The following TGFB1 variants were observed in gnomAD, a reference collection of about 807,000 sequenced individuals.
TGFB1 encodes transforming growth factor beta-1 proprotein.
Under a neutral mutation model 43.8 loss-of-function variants are expected in TGFB1, and 19 were observed. That is an observed-to-expected ratio of 0.43 (90% confidence interval 0.30 to 0.64). The LOEUF is 0.64. Ranked by LOEUF, TGFB1 falls within the 30% of genes least tolerant of loss-of-function variation. The pLI is 0.11. For missense variants in TGFB1, 445 were observed against 529.8 expected (o/e 0.84, Z 1.57); for synonymous variants, 221 against 236.3 (o/e 0.94, Z 0.60).
chr19:41,349,985 T>C (rs921693656), intron 1 of TGFB1, among the ~76,000 whole-genome samples: 1 of 151,898 alleles, frequency 6.6e-6, no homozygotes, highest in Non-Finnish European at 1.5e-5. Flanking sequence ...TGCTTTTTTT[T>C]TTTCTTCCCC....
At chr19:41,346,397 C>T (rs962953326) in intron 2 of TGFB1, among the ~76,000 whole-genome samples, 3 of 152,182 alleles carry the variant, frequency 2.0e-5, no homozygotes, top group Non-Finnish European at 4.4e-5. Flanking sequence ...GGATAGTCCA[C>T]TCCAGGGACT....
intron 1 of TGFB1, among the ~76,000 whole-genome samples, chr19:41,349,997 A>G (rs2038164872): frequency 6.6e-6 from 1 of 150,916 alleles, no homozygotes; most frequent in South Asian, 2.1e-4. Flanking sequence ...TTCTTCCCCC[A>G]AGAGACAGGG....
At chr19:41,332,093 C>CA in intron 6 of TGFB1, 35 bp downstream of exon 6, 1 of 1,601,930 alleles carries the variant, frequency 6.2e-7, no homozygotes, top group Non-Finnish European at 8.5e-7. Context: ...TGGCTCCCCC[C>CA]AAGCGCATCT....
chr19:41,353,870 C>T lies in TGFB1; in HGVS notation c.-826G>A, dbSNP rs936866801. 6.0e-6 allele frequency: 1 copy of T among 167,860 alleles called. No individual in the cohort carries two copies. Among genetic ancestry groups the T allele is most frequent in the Non-Finnish European group, 1.3e-5 (1 of 78,788 alleles). The allele number at this position is 167,860 out of a possible 1,614,324, so 10.4% of individuals were successfully genotyped here. On this transcript the variant is annotated 5_prime_UTR_variant, in exon 1 of 7. Coordinates refer to ENST00000221930, the MANE Select transcript of TGFB1 (RefSeq NM_000660.7). This position sits in a 1 kb window ranked among gnomAD's most constrained non-coding sequence, Gnocchi z 5.9. ...CCGGGGCCCTCGCTGTCTGGCTGCT[C>T]CGCGGAGGGAGGTGGGAGGGAGATG... is the stretch of plus-strand genomic sequence containing the variant.
At chr19:41,339,179 C>T (rs994865787) in intron 5 of TGFB1, among the ~76,000 whole-genome samples, 5 of 149,328 alleles carry the variant, frequency 3.3e-5, no homozygotes, top group Non-Finnish European at 7.4e-5. Context: ...AATGCAGTGG[C>T]GTGATCCTGG....
At position 41,330,960 on chromosome 19, in the gene TGFB1, G is replaced by T; in HGVS notation, c.*92C>A. 8.1e-7 allele frequency: 1 copy of T among 1,229,808 alleles called. No homozygotes were observed. The highest frequency in any genetic ancestry group is 1.1e-6 in the Non-Finnish European group (1 of 928,940). The allele number at this position is 1,229,808 out of a possible 1,614,324, so 76.2% of individuals were successfully genotyped here. On this transcript the variant is annotated 3_prime_UTR_variant, in exon 7 of 7. Coordinates refer to ENST00000221930, the MANE Select transcript of TGFB1 (RefSeq NM_000660.7). Reference sequence around the variant, plus strand: ...GGCCCCAGGTGGGCTTGGGGCACGGGTGTCCTTAAATACAGCCCCCATGGG... The same window carrying T: ...GGCCCCAGGTGGGCTTGGGGCACGGTTGTCCTTAAATACAGCCCCCATGGG...
intron 5 of TGFB1, among the ~76,000 whole-genome samples, chr19:41,338,296 C>T (rs932270029): frequency 9.9e-5 from 15 of 151,334 alleles, no homozygotes; most frequent in African/African-American, 3.6e-4. Context: ...GAGTTCAAGA[C>T]CAGCCTGGCC....
At chr19:41,345,218 C>G (rs1010652076) in intron 2 of TGFB1, among the ~76,000 whole-genome samples, 1 of 152,126 alleles carries the variant, frequency 6.6e-6, no homozygotes, top group African/African-American at 2.4e-5. Flanking sequence ...CATTCTGGGC[C>G]GGGCGCAGTG....
intron 3 of TGFB1, among the ~76,000 whole-genome samples, chr19:41,342,671 C>T (rs1222298458): frequency 6.6e-6 from 1 of 152,040 alleles, no homozygotes; most frequent in Non-Finnish European, 1.5e-5. Context: ...TGCGCCACCA[C>T]ACCCGGCTAA....
At chr19:41,332,863 C>A (rs989312271) in intron 5 of TGFB1, among the ~76,000 whole-genome samples, 1 of 152,132 alleles carries the variant, frequency 6.6e-6, no homozygotes, top group Non-Finnish European at 1.5e-5. Flanking sequence ...AGTGCAAGAC[C>A]CTGTCTCTAC....
chr19:41,339,942 C>T (rs1402558896), intron 5 of TGFB1, among the ~76,000 whole-genome samples: 3 of 152,208 alleles, frequency 2.0e-5, no homozygotes, highest in East Asian at 1.9e-4. Context: ...GGTAACAAAG[C>T]CCAGAGACAG....
At position 41,353,172 on chromosome 19, in the gene TGFB1, T is replaced by G; in HGVS notation, c.-128A>C. 2 of 1,225,152 alleles carry G rather than the reference T, an allele frequency of 1.6e-6. No individual in the cohort carries two copies. The highest frequency in any genetic ancestry group is 2.2e-6 in the Non-Finnish European group (2 of 921,060). The allele number at this position is 1,225,152 out of a possible 1,614,324, so 75.9% of individuals were successfully genotyped here. A position where few individuals can be genotyped will look rare whatever the true frequency, so the allele number is the denominator to read the frequency against. ...GGAGGGCCTCGAGGGAAAGCTGAGG[T>G]CCTCAGGGAGAAGGGCGCAGTGGTG... On this transcript the variant is annotated 5_prime_UTR_variant, in exon 1 of 7. Transcript: ENST00000221930. The surrounding 1 kb of genome is among the most constrained non-coding windows in gnomAD (Gnocchi z 5.9).
At chr19:41,341,727 A>C (rs1331983091) in intron 5 of TGFB1, among the ~76,000 whole-genome samples, 156 bp downstream of exon 5, 1 of 152,040 alleles carries the variant, frequency 6.6e-6, no homozygotes, top group Non-Finnish European at 1.5e-5. Flanking sequence ...CCTGGTTCTT[A>C]CACCCAGACC....
intron 5 of TGFB1, among the ~76,000 whole-genome samples, chr19:41,338,222 C>T (rs1279102268): frequency 3.6e-5 from 5 of 140,332 alleles, no homozygotes; most frequent in Non-Finnish European, 7.7e-5. Flanking sequence ...CGGCCGGGTG[C>T]GTGGCTCACC....
At position 41,347,987 on chromosome 19, in the gene TGFB1, CTGGGCGTGG is replaced by C. The variant is rs200142508; in HGVS notation, c.516+299_516+307del. On this transcript the variant is annotated intron_variant, in intron 2 of 6. Transcript: ENST00000221930. ...TCTCTACCAAAAATACAAAAATTAG[CTGGGCGTGG>C]TGGCGCACACCTGTAATCCCAGCTA... 0.015 allele frequency among the ~76,000 whole-genome samples: 2,209 copies of C among 151,614 alleles called. 60 individuals are homozygous for C. Among genetic ancestry groups the C allele is most frequent in the African/African-American group, 0.051 (2,102 of 41,296 alleles).
Position 41,331,022 on chromosome 19 carries a change from TGCCGGGGCGG to T in TGFB1, c.*20_*29del. 9.0e-7 allele frequency: 1 copy of T among 1,111,448 alleles called. No individual in the cohort carries two copies. Among genetic ancestry groups the T allele is most frequent in the Non-Finnish European group, 1.1e-6 (1 of 887,884 alleles). The allele number at this position is 1,111,448 out of a possible 1,614,324, so 68.8% of individuals were successfully genotyped here. On this transcript the variant is annotated 3_prime_UTR_variant, in exon 7 of 7. Transcript: ENST00000221930. ...GGGCGGGGCGGGGTGGGGCCGGGCCTGCCGGGGCGGGGCGGGGCGGGGCGGGACCTCAGCT... is the reference window on the plus strand; with the variant it reads ...GGGCGGGGCGGGGTGGGGCCGGGCCTGGCGGGGCGGGGCGGGACCTCAGCT...
intron 3 of TGFB1, among the ~76,000 whole-genome samples, chr19:41,343,288 C>A (rs1386503074): frequency 6.6e-6 from 1 of 152,052 alleles, no homozygotes; most frequent in Non-Finnish European, 1.5e-5. Context: ...GCATGCATCA[C>A]CACGCCGAGC....
At chr19:41,338,696 G>C (rs531163993) in intron 5 of TGFB1, among the ~76,000 whole-genome samples, 5 of 151,828 alleles carry the variant, frequency 3.3e-5, no homozygotes, top group African/African-American at 1.2e-4. Flanking sequence ...AAAATTAGCT[G>C]GGCGTGGCGG....
rs2037921995 is a variant in TGFB1 at position 41,330,971 on chromosome 19, T to C, written c.*81A>G. 1 of 1,270,798 alleles carries C rather than the reference T, an allele frequency of 7.9e-7. No homozygotes were observed. The allele number at this position is 1,270,798 out of a possible 1,614,324, so 78.7% of individuals were successfully genotyped here. A position where few individuals can be genotyped will look rare whatever the true frequency, so the allele number is the denominator to read the frequency against. On this transcript the variant is annotated 3_prime_UTR_variant, in exon 7 of 7. Coordinates refer to ENST00000221930, the MANE Select transcript of TGFB1 (RefSeq NM_000660.7). Reference sequence around the variant, plus strand: ...GGCTTGGGGCACGGGTGTCCTTAAATACAGCCCCCATGGGCAAGGCAGCGG... The same window carrying C: ...GGCTTGGGGCACGGGTGTCCTTAAACACAGCCCCCATGGGCAAGGCAGCGG...
Sources: gnomAD v4.1 joint callset for allele counts (sites outside exome capture counted in the v4.1 genomes callset) on GRCh38, gnomAD v4.1.1 for gene constraint, Gnocchi (gnomAD v3.1) non-coding constraint, MANE v1.5 for transcripts, NCBI Gene and HGNC (gene_info 2026-07-23, HGNC 2026-07-21) for gene names.